The following FLNB variants were observed in gnomAD, a reference collection of about 807,000 sequenced individuals.
FLNB encodes filamin B.
FLNB carries 111 observed loss-of-function variants against 250.6 expected under a neutral mutation model. That is an observed-to-expected ratio of 0.44 (90% CI 0.38 to 0.52). FLNB has a LOEUF of 0.52. FLNB is among the 20% of genes least tolerant of loss of function. The pLI is 0.00. For synonymous variants in FLNB, 1,302 were observed against 1,372.1 expected, an observed-to-expected ratio of 0.95 and a Z score of 1.13; for missense variants, 2,869 against 3,447.8, an observed-to-expected ratio of 0.83 and a Z score of 4.20.
At chr3:58,114,710 T>G (rs1239139540) in intron 18 of FLNB, among the ~76,000 whole-genome samples, 4 of 145,186 alleles carry the variant, frequency 2.8e-5, no homozygotes, top group African/African-American at 8.0e-5. Context: ...TTTTTCTGTT[T>G]TTTTTTTTTG....
chr3:58,121,609 G>C lies in FLNB; in HGVS notation c.3126+106G>C, dbSNP rs561810972. Reference sequence around the variant, plus strand: ...AAAGACCTTCTGAAAATCGTTTTGTGATGAAAGTTAGCACAATTCACTGTG... The same window carrying C: ...AAAGACCTTCTGAAAATCGTTTTGTCATGAAAGTTAGCACAATTCACTGTG... On this transcript the variant is annotated intron_variant, in intron 20 of 45. Transcript: ENST00000295956. The C allele has an allele frequency of 1.2e-5, 17 of 1,463,372 alleles. No homozygotes were observed. The African/African-American group carries it at 1.9e-4, about 17-fold the overall frequency. 90.6% of individuals were successfully genotyped at this position (1,463,372 alleles called of 1,614,324 possible).
chr3:58,017,907 G>A (rs1489377315), intron 1 of FLNB, among the ~76,000 whole-genome samples: 1 of 152,138 alleles, frequency 6.6e-6, no homozygotes, highest in Non-Finnish European at 1.5e-5. Flanking sequence ...CAGAGCCGCT[G>A]ACTCTCTCCC....
intron 1 of FLNB, among the ~76,000 whole-genome samples, chr3:58,021,592 C>T (rs556555604): frequency 3.9e-5 from 6 of 152,290 alleles, no homozygotes; most frequent in Admixed American, 3.9e-4. Context: ...GGATGGCTCT[C>T]CCATCAGGGA....
intron 18 of FLNB, among the ~76,000 whole-genome samples, chr3:58,117,021 C>T (rs1465490935): frequency 6.6e-6 from 1 of 152,162 alleles, no homozygotes; most frequent in Non-Finnish European, 1.5e-5. Context: ...CTCTCTCAGT[C>T]CCATCCTCTT....
At chr3:58,132,184 C>G (rs1234892681) in intron 25 of FLNB, 1 of 619,278 alleles carries the variant, frequency 1.6e-6, no homozygotes, top group African/African-American at 1.8e-5. Context: ...ACGTTGGAAG[C>G]TGGGATCTGG....
chr3:58,012,264 C>T (rs189322830), intron 1 of FLNB, among the ~76,000 whole-genome samples: 2 of 149,666 alleles, frequency 1.3e-5, no homozygotes, highest in Admixed American at 6.7e-5. Context: ...ACCGAAGGGA[C>T]GTTCAAAATT....
intron 1 of FLNB, among the ~76,000 whole-genome samples, chr3:58,023,837 G>A (rs1302896044): frequency 1.3e-5 from 2 of 152,170 alleles, no homozygotes; most frequent in Non-Finnish European, 2.9e-5. Flanking sequence ...TACTTTTATT[G>A]GGACTGCCAG....
intron 39 of FLNB, 138 bp downstream of exon 39, chr3:58,153,779 G>C: frequency 9.9e-7 from 1 of 1,012,692 alleles, no homozygotes; most frequent in Non-Finnish European, 1.5e-6. Context: ...TTAAAACAAG[G>C]CATCATGACT....
At chr3:58,133,918 A>C (rs1227790442) in intron 26 of FLNB, among the ~76,000 whole-genome samples, 1 of 152,234 alleles carries the variant, frequency 6.6e-6, no homozygotes, top group Admixed American at 6.5e-5. Context: ...ATATAGAATA[A>C]GATGAGATAT....
At chr3:58,029,660 T>G (rs1322047866) in intron 1 of FLNB, among the ~76,000 whole-genome samples, 1 of 151,996 alleles carries the variant, frequency 6.6e-6, no homozygotes, top group Non-Finnish European at 1.5e-5. Flanking sequence ...CCTGCCACCA[T>G]GCCTGGCTAA....
rs777257207 is a variant in FLNB, at chr3:58,110,047, G to A, written c.2361G>A (p.Val787=). 1.2e-6 allele frequency: 2 copies of A among 1,614,172 alleles called. No homozygotes were observed. The highest frequency in any genetic ancestry group is 1.7e-5 in the Admixed American group (1 of 60,018). ...VSVGIKCDAR[V]LSEDEEDVDF... is the part of the protein sequence containing the mutation. Reference sequence around the variant, plus strand: ...TTGGCATTAAGTGTGATGCCCGGGTGTTAAGTGAAGATGAGGAAGACGTGG... The same window carrying A: ...TTGGCATTAAGTGTGATGCCCGGGTATTAAGTGAAGATGAGGAAGACGTGG... The change falls in exon 16 of 46, where the codon GTG becomes GTA. Residue 787 remains valine, a synonymous_variant. Transcript: ENST00000295956.
intron 8 of FLNB, among the ~76,000 whole-genome samples, chr3:58,100,589 C>CTTTTTTTTTTTTTTTTTTTTTTTT (rs147921421): frequency 1.8e-4 from 23 of 124,960 alleles, no homozygotes; most frequent in East Asian, 1.0e-3. Context: ...TTTTCTTTTT[C>CTTTTTTTTTTTTTTTTTTTTTTTT]TTTTTTTTTT....
chr3:58,036,876 C>T (rs1172732903), intron 1 of FLNB, among the ~76,000 whole-genome samples: 1 of 152,154 alleles, frequency 6.6e-6, no homozygotes, highest in Non-Finnish European at 1.5e-5. Context: ...GGTCTGACCT[C>T]TTTCACTGTC....
At chr3:58,103,152 T>C (rs974685586) in intron 9 of FLNB, among the ~76,000 whole-genome samples, 7 of 152,184 alleles carry the variant, frequency 4.6e-5, no homozygotes, top group Non-Finnish European at 1.0e-4. Context: ...AGCACCAGGC[T>C]TTGGGTCAGG....
chr3:58,061,280 A>G (rs1172121673), intron 1 of FLNB, among the ~76,000 whole-genome samples: 2 of 152,198 alleles, frequency 1.3e-5, no homozygotes, highest in Admixed American at 6.5e-5. Context: ...TGAACCTGTC[A>G]TACACATTGC....
intron 1 of FLNB, among the ~76,000 whole-genome samples, chr3:58,029,091 ATT>A (rs34764015): frequency 0.22 from 32,888 of 151,828 alleles, 4,751 homozygotes; most frequent in Middle Eastern, 0.36. Flanking sequence ...CTTAAAATAA[ATT>A]TGTGTCATTG....
intron 5 of FLNB, 89 bp downstream of exon 5, chr3:58,095,043 A>G: frequency 6.8e-6 from 7 of 1,028,332 alleles, no homozygotes; most frequent in Non-Finnish European, 1.1e-5. Flanking sequence ...CTCCATTTTC[A>G]TTTCAGCTCA....
At chr3:58,079,733 G>A (rs562384460) in intron 3 of FLNB, among the ~76,000 whole-genome samples, 237 of 152,260 alleles carry the variant, frequency 1.6e-3, no homozygotes, top group Non-Finnish European at 2.2e-3. Context: ...TTCCTAGCTG[G>A]GAGGAAAACC....
At chr3:58,134,097 G>A (rs1253694950) in intron 26 of FLNB, among the ~76,000 whole-genome samples, 2 of 152,200 alleles carry the variant, frequency 1.3e-5, no homozygotes, top group African/African-American at 4.8e-5. Context: ...AACCCTTGGA[G>A]CGTGGACTGG....
Sources: allele counts gnomAD v4.1 joint callset (sites outside exome capture counted in the v4.1 genomes callset), GRCh38; gene constraint gnomAD v4.1.1; transcripts MANE v1.5; gene names NCBI Gene and HGNC (gene_info 2026-07-23, HGNC 2026-07-21).